Variants in TGFBRAP1 observed in about 807,000 individuals in gnomAD.
The protein encoded by TGFBRAP1 is transforming growth factor beta receptor associated protein 1, also known as transforming growth factor-beta receptor-associated protein 1.
Under a neutral mutation model 83.2 loss-of-function variants are expected in TGFBRAP1, and 20 were observed. The observed-to-expected ratio is 0.24, with a 90% CI of 0.17 to 0.35. The LOEUF is 0.35. Ranked by LOEUF, TGFBRAP1 falls within the 10% of genes least tolerant of loss-of-function variation. The pLI, the probability that TGFBRAP1 is intolerant of heterozygous loss-of-function variation, is 1.00. For missense variants in TGFBRAP1, 950 were observed against 1,099.4 expected (o/e 0.86, Z 1.92); for synonymous variants, 415 against 459.8 (o/e 0.90, Z 1.25).
intron 4 of TGFBRAP1, 93 bp downstream of exon 4, chr2:105,296,263 G>T: frequency 6.7e-7 from 1 of 1,484,194 alleles, no homozygotes; most frequent in Non-Finnish European, 9.2e-7. Flanking sequence ...GTACAGCCCG[G>T]TACACAGGAA....
Position 105,266,597 on chromosome 2 carries a change from T to C in TGFBRAP1, c.*786A>G, listed in dbSNP as rs1676943380. 1 of 151,976 alleles carries C rather than the reference T, an allele frequency of 6.6e-6. No homozygotes were observed. The highest frequency in any genetic ancestry group is 2.4e-5 in the African/African-American group (1 of 41,362). 9.4% of individuals were successfully genotyped at this position (151,976 alleles called of 1,614,324 possible). A position where few individuals can be genotyped will look rare whatever the true frequency, so the allele number is the denominator to read the frequency against. Reference sequence around the variant, plus strand: ...CAGCTGGGCCCTTGCCCGCCGTGGGTTTCCCGTGTCCGCGGCTTCTTCAAG... The same window carrying C: ...CAGCTGGGCCCTTGCCCGCCGTGGGCTTCCCGTGTCCGCGGCTTCTTCAAG... On this transcript the variant is annotated 3_prime_UTR_variant, in exon 12 of 12. Transcript: ENST00000393359.
At chr2:105,304,465 T>C (rs761252064) in intron 2 of TGFBRAP1, among the ~76,000 whole-genome samples, 2 of 152,158 alleles carry the variant, frequency 1.3e-5, no homozygotes, top group African/African-American at 2.4e-5. Flanking sequence ...TGTGAAGCCA[T>C]AAAAAGACAT....
chr2:105,258,471 C>CT, the TGFBRAP1 span, among the ~76,000 whole-genome samples: 330 of 147,090 alleles, frequency 2.2e-3, 3 homozygotes, highest in East Asian at 0.037. Flanking sequence ...AGGAATTTGC[C>CT]TTTTTTTTTT....
chr2:105,298,792 C>T, intron 2 of TGFBRAP1, 87 bp from the exon 3 acceptor site: 3 of 1,302,672 alleles, frequency 2.3e-6, no homozygotes, highest in Non-Finnish European at 3.1e-6. Context: ...AGACCGACCC[C>T]TGCCCACCAG....
intron 2 of TGFBRAP1, among the ~76,000 whole-genome samples, chr2:105,304,114 A>T (rs1351213852): frequency 6.6e-6 from 1 of 152,218 alleles, no homozygotes; most frequent in Non-Finnish European, 1.5e-5. Context: ...AATATGACAC[A>T]TCTACATATA....
chr2:105,250,022 T>C, the TGFBRAP1 span, among the ~76,000 whole-genome samples: 12 of 152,148 alleles, frequency 7.9e-5, no homozygotes, highest in African/African-American at 2.9e-4. Context: ...AGCAGAGAGT[T>C]CCAATGTCCT....
chr2:105,317,347 G>A (rs1282876229), intron 1 of TGFBRAP1, among the ~76,000 whole-genome samples: 2 of 151,634 alleles, frequency 1.3e-5, no homozygotes, highest in African/African-American at 4.8e-5. Flanking sequence ...TAAGGCAGGA[G>A]AATTGCTTGA....
In TGFBRAP1 at chr2:105,269,836, C is replaced by A. The variant is rs1266209223; in HGVS notation, c.1973-131G>T. On this transcript the variant is annotated intron_variant, in intron 10 of 11. Coordinates refer to ENST00000393359, the MANE Select transcript of TGFBRAP1 (RefSeq NM_004257.6). This position sits in a 1 kb window ranked among gnomAD's most constrained non-coding sequence, Gnocchi z 4.1. ...GGCTCCCTCACAATGCCAAATGCTG[C>A]CACCCAGATGACTGAGGGTAGGTTT... The A allele has an allele frequency of 1.0e-6, 1 of 984,594 alleles. No homozygotes were observed. The highest frequency in any genetic ancestry group is 1.6e-5 in the African/African-American group (1 of 61,242). The allele number at this position is 984,594 out of a possible 1,614,324, so 61.0% of individuals were successfully genotyped here. A position where few individuals can be genotyped will look rare whatever the true frequency, so the allele number is the denominator to read the frequency against.
chr2:105,293,769 C>A (rs967090715), intron 4 of TGFBRAP1, among the ~76,000 whole-genome samples: 6 of 152,148 alleles, frequency 3.9e-5, no homozygotes, highest in Admixed American at 1.3e-4. Context: ...CATTATATCA[C>A]AGCTCTGCTG....
chr2:105,320,095 C>G (rs531088450), intron 1 of TGFBRAP1, among the ~76,000 whole-genome samples: 47 of 152,250 alleles, frequency 3.1e-4, no homozygotes, highest in Non-Finnish European at 5.9e-4. Context: ...GTTATCTGCT[C>G]TACCAAATAA....
At chr2:105,254,773 C>T in the TGFBRAP1 span, among the ~76,000 whole-genome samples, 2 of 152,104 alleles carry the variant, frequency 1.3e-5, no homozygotes, top group Non-Finnish European at 2.9e-5. Context: ...ATGTGATGGC[C>T]TTAGGAGGTG....
chr2:105,275,518 C>A (rs751115283), intron 8 of TGFBRAP1, 42 bp downstream of exon 8: 3 of 1,607,456 alleles, frequency 1.9e-6, no homozygotes, highest in Non-Finnish European at 2.5e-6. Flanking sequence ...GTTTTTACCA[C>A]CTCCCCCAAC....
At chr2:105,251,315 A>G in the TGFBRAP1 span, among the ~76,000 whole-genome samples, 1 of 139,466 alleles carries the variant, frequency 7.2e-6, no homozygotes. Context: ...CCAGTCTGGA[A>G]AGTGAGGAGC....
intron 1 of TGFBRAP1, among the ~76,000 whole-genome samples, chr2:105,328,442 A>G (rs1386155169): frequency 6.6e-6 from 1 of 152,216 alleles, no homozygotes; most frequent in African/African-American, 2.4e-5. Context: ...GCAGCTGACC[A>G]AATGTTCCTT....
Position 105,296,340 on chromosome 2 carries a change from C to T in TGFBRAP1, c.1038+16G>A, listed in dbSNP as rs781644089. On this transcript the variant is annotated intron_variant, in intron 4 of 11. Transcript: ENST00000393359. ...GTGACTTAGAGGCATATTTCTGTGA[C>T]CAGTTAATTACAAACCTGAAATTTT... The T allele has an allele frequency of 6.2e-7, 1 of 1,612,952 alleles. No homozygotes were observed. Among genetic ancestry groups the T allele is most frequent in the East Asian group, 2.2e-5 (1 of 44,864 alleles).
intron 1 of TGFBRAP1, among the ~76,000 whole-genome samples, chr2:105,309,820 T>C (rs1000699613): frequency 4.6e-5 from 7 of 152,066 alleles, no homozygotes; most frequent in Admixed American, 4.6e-4. Context: ...ATCCCCAGAG[T>C]GGTAGTGTTG....
At position 105,269,722 on chromosome 2, in the gene TGFBRAP1, G is replaced by T. The variant is rs1334386664; in HGVS notation, c.1973-17C>A. 1 of 1,498,444 alleles carries T rather than the reference G, an allele frequency of 6.7e-7. No individual in the cohort carries two copies. Among genetic ancestry groups the T allele is most frequent in the East Asian group, 2.3e-5 (1 of 43,254 alleles). 92.8% of individuals were successfully genotyped at this position (1,498,444 alleles called of 1,614,324 possible). ...GCAGCCTCTCTGCAAGACAGAACCT[G>T]CAGCTCAGAAAGAAAGGGGCTCGCC... On this transcript the variant is annotated splice_polypyrimidine_tract_variant and intron_variant, in intron 10 of 11. Transcript: ENST00000393359. This position sits in a 1 kb window ranked among gnomAD's most constrained non-coding sequence, Gnocchi z 4.1.
chr2:105,251,232 G>A, the TGFBRAP1 span, among the ~76,000 whole-genome samples: 3 of 147,338 alleles, frequency 2.0e-5, no homozygotes, highest in South Asian at 2.2e-4. Context: ...CCGCCACCCC[G>A]TCTGGGAAGT....
At chr2:105,326,267 C>T (rs184189795) in intron 1 of TGFBRAP1, among the ~76,000 whole-genome samples, 2 of 151,808 alleles carry the variant, frequency 1.3e-5, no homozygotes, top group Non-Finnish European at 2.9e-5. Context: ...TGTGTATGTA[C>T]ATATATATAA....
Sources: gnomAD v4.1 joint callset for allele counts (sites outside exome capture counted in the v4.1 genomes callset) on GRCh38, gnomAD v4.1.1 for gene constraint, Gnocchi (gnomAD v3.1) non-coding constraint, MANE v1.5 for transcripts, NCBI Gene and HGNC (gene_info 2026-07-23, HGNC 2026-07-21) for gene names.